The following CCDC112 variants were observed in gnomAD, a reference collection of about 807,000 sequenced individuals.
CCDC112 encodes coiled-coil domain-containing protein 112.
CCDC112 carries 40 observed loss-of-function variants against 66.3 expected under a neutral mutation model. The observed-to-expected ratio is 0.60, with a 90% CI of 0.47 to 0.79. The LOEUF (loss-of-function observed/expected upper bound fraction) is 0.79, where lower values mean the gene tolerates loss of function less well. Among genes scored for constraint, CCDC112 ranks in the 30% least tolerant of loss-of-function variants. The pLI is 0.00. For synonymous variants in CCDC112, 214 were observed against 197.2 expected, an observed-to-expected ratio of 1.09 and a Z score of -0.71; for missense variants, 659 against 603.8, an observed-to-expected ratio of 1.09 and a Z score of -0.96.
At chr5:115,287,991 T>TC (rs1368355024) in intron 1 of CCDC112, among the ~76,000 whole-genome samples, 19 of 151,786 alleles carry the variant, frequency 1.3e-4, no homozygotes, top group Non-Finnish European at 2.2e-4. Context: ...CCTTTTTTTT[T>TC]CCCCCCGAGA....
At chr5:115,268,057 G>C (rs1748820546) in intron 9 of CCDC112, 139 bp from the exon 10 acceptor site, 1 of 646,222 alleles carries the variant, frequency 1.5e-6, no homozygotes, top group Non-Finnish European at 2.7e-6. Context: ...TGGGCATGTA[G>C]GTTTGCAACC....
chr5:115,272,899 C>T (rs4705732), intron 6 of CCDC112, among the ~76,000 whole-genome samples: 10 of 151,896 alleles, frequency 6.6e-5, no homozygotes, highest in Non-Finnish European at 1.2e-4. Flanking sequence ...TGTGTTAAAA[C>T]GCAAATCAAT....
chr5:115,271,722 A>C, intron 6 of CCDC112, 96 bp from the exon 7 acceptor site: 2 of 803,106 alleles, frequency 2.5e-6, no homozygotes, highest in Non-Finnish European at 3.7e-6. Context: ...TCTAGAAAGA[A>C]TATTGATTGC....
At chr5:115,293,418 C>G (rs945789758) in intron 1 of CCDC112, among the ~76,000 whole-genome samples, 5 of 152,166 alleles carry the variant, frequency 3.3e-5, no homozygotes, top group Admixed American at 2.0e-4. Flanking sequence ...GAACATCACA[C>G]TGTACCCCAT....
intron 4 of CCDC112, 131 bp from the exon 5 acceptor site, chr5:115,276,200 G>A (rs1749200127): frequency 1.6e-6 from 1 of 622,474 alleles, no homozygotes. Flanking sequence ...AGAAAGTTGT[G>A]CTCAAAAGTG....
At chr5:115,293,664 A>G (rs1750030207) in intron 1 of CCDC112, among the ~76,000 whole-genome samples, 1 of 152,154 alleles carries the variant, frequency 6.6e-6, no homozygotes, top group African/African-American at 2.4e-5. Flanking sequence ...CGACTCTCTT[A>G]TAAGGACCTT....
chr5:115,271,387 T>C lies in CCDC112; in HGVS notation c.1158A>G (p.Lys386=). 2 of 1,610,174 alleles carry C rather than the reference T, an allele frequency of 1.2e-6. No individual in the cohort carries two copies. Among genetic ancestry groups the C allele is most frequent in the South Asian group, 2.2e-5 (2 of 89,394 alleles). ...QLKEEEEKEK[K]HQKERQRQFK... ...ACTGGCGCTGGCGTTCTTTCTGATG[T>C]TTTTTCTCTTTCTCTTCTTCTTCTT... Residue 386 remains lysine, a synonymous_variant, in exon 7 of 10, where the codon AAA becomes AAG. Transcript: ENST00000379611.
intron 1 of CCDC112, among the ~76,000 whole-genome samples, chr5:115,291,867 A>C (rs1749945803): frequency 6.6e-6 from 1 of 151,902 alleles, no homozygotes; most frequent in Non-Finnish European, 1.5e-5. Context: ...AACAGCTGTT[A>C]ATCTTATTGA....
At chr5:115,290,452 A>G (rs952821036) in intron 1 of CCDC112, among the ~76,000 whole-genome samples, 2 of 152,178 alleles carry the variant, frequency 1.3e-5, no homozygotes, top group Non-Finnish European at 1.5e-5. Flanking sequence ...TGTTTTGGCT[A>G]TTTTGGGTGC....
At chr5:115,286,026 G>A (rs1749660425) in intron 1 of CCDC112, among the ~76,000 whole-genome samples, 1 of 152,104 alleles carries the variant, frequency 6.6e-6, no homozygotes, top group Non-Finnish European at 1.5e-5. Context: ...TCTAAATCTA[G>A]GAAATATATT....
At chr5:115,276,415 T>G (rs946534203) in intron 4 of CCDC112, among the ~76,000 whole-genome samples, 1 of 152,162 alleles carries the variant, frequency 6.6e-6, no homozygotes, top group Non-Finnish European at 1.5e-5. Context: ...AGACCTTTAA[T>G]TTGTTGCTTT....
In CCDC112 at chr5:115,269,015, A is replaced by G. The variant is rs745591354; in HGVS notation, c.1429-15T>C. 1.4e-6 allele frequency: 2 copies of G among 1,431,598 alleles called. No individual in the cohort carries two copies. Among genetic ancestry groups the G allele is most frequent in the Non-Finnish European group, 1.9e-6 (2 of 1,032,724 alleles). 88.7% of individuals were successfully genotyped at this position (1,431,598 alleles called of 1,614,324 possible). A position where few individuals can be genotyped will look rare whatever the true frequency, so the allele number is the denominator to read the frequency against. On this transcript the variant is annotated splice_polypyrimidine_tract_variant and intron_variant, in intron 8 of 9. Coordinates refer to ENST00000379611, the MANE Select transcript of CCDC112 (RefSeq NM_001040440.3). ...TTGTTTTCAACCTGTAATCAGAAGT[A>G]AAATAGTACCAGTTAATTATACAAA... is the stretch of plus-strand genomic sequence containing the variant.
chr5:115,294,087 T>C (rs1455611270), intron 1 of CCDC112, among the ~76,000 whole-genome samples: 1 of 152,208 alleles, frequency 6.6e-6, no homozygotes, highest in Non-Finnish European at 1.5e-5. Context: ...TTAAAAAGTA[T>C]GGAAAATGTG....
chr5:115,279,349 A>G (rs117060), intron 3 of CCDC112, among the ~76,000 whole-genome samples: 1 of 152,048 alleles, frequency 6.6e-6, no homozygotes, highest in African/African-American at 2.4e-5. Context: ...ATTTTAATAG[A>G]ATTTGGTGGT....
intron 1 of CCDC112, among the ~76,000 whole-genome samples, chr5:115,286,914 T>TCAA (rs1363870931): frequency 6.6e-6 from 1 of 152,100 alleles, no homozygotes; most frequent in South Asian, 2.1e-4. Flanking sequence ...ACACACTGTC[T>TCAA]CAACAACAAC....
chr5:115,275,628 T>C, intron 5 of CCDC112, 22 bp from the exon 6 acceptor site: 1 of 1,475,800 alleles, frequency 6.8e-7, no homozygotes, highest in Non-Finnish European at 9.1e-7. Flanking sequence ...AAAATAAAGT[T>C]TGAATAAGAA....
chr5:115,277,879 C>T (rs562475998), intron 3 of CCDC112, among the ~76,000 whole-genome samples: 13 of 152,080 alleles, frequency 8.5e-5, no homozygotes, highest in African/African-American at 2.9e-4. Flanking sequence ...TTTATGCACC[C>T]TCCTCTTTTT....
At chr5:115,285,248 A>G (rs1749627629) in intron 1 of CCDC112, among the ~76,000 whole-genome samples, 1 of 152,204 alleles carries the variant, frequency 6.6e-6, no homozygotes, top group Non-Finnish European at 1.5e-5. Flanking sequence ...ATGATCTATA[A>G]TAATATGGTC....
chr5:115,272,457 T>A (rs1393926983), intron 6 of CCDC112, among the ~76,000 whole-genome samples: 2 of 152,224 alleles, frequency 1.3e-5, no homozygotes, highest in South Asian at 2.1e-4. Flanking sequence ...GCCACTAAAC[T>A]TCTCTGTCCT....
Sources: gnomAD v4.1 joint callset for allele counts (sites outside exome capture counted in the v4.1 genomes callset) on GRCh38, gnomAD v4.1.1 for gene constraint, MANE v1.5 for transcripts, NCBI Gene and HGNC (gene_info 2026-07-23, HGNC 2026-07-21) for gene names.